The following BIVM variants were observed in gnomAD, a reference collection of about 807,000 sequenced individuals.
BIVM encodes the protein basic, immunoglobulin-like variable motif containing.
A neutral mutation model predicts 61.4 loss-of-function variants in BIVM; 31 were observed. The ratio of observed to expected loss-of-function variants is 0.51; its 90% CI spans 0.38 to 0.68. The LOEUF (loss-of-function observed/expected upper bound fraction) is 0.68, where lower values mean the gene tolerates loss of function less well. Among genes scored for constraint, BIVM ranks in the 30% least tolerant of loss-of-function variants. The pLI, the probability that BIVM is intolerant of heterozygous loss-of-function variation, is 0.00. For synonymous variants in BIVM, 189 were observed against 210.7 expected, an observed-to-expected ratio of 0.90 and a Z score of 0.89; for missense variants, 526 against 596.0, an observed-to-expected ratio of 0.88 and a Z score of 1.22.
rs757924941 is a variant in BIVM, at chr13:102,816,562, T to A, written c.605+8T>A. 6.7e-6 allele frequency: 10 copies of A among 1,499,132 alleles called. No individual in the cohort carries two copies. The South Asian group carries it at 1.4e-4, about 21-fold the overall frequency. The allele number at this position is 1,499,132 out of a possible 1,614,324, so 92.9% of individuals were successfully genotyped here. ...ATTAGACCTCAGACGATGGTGATGT[T>A]ATCAGTTTTTATTTTTTTCATTTTT... On this transcript the variant is annotated splice_region_variant and intron_variant, in intron 4 of 10. Transcript: ENST00000257336.
In BIVM at chr13:102,821,830, G is replaced by A. The variant is rs748477460; in HGVS notation, c.789G>A (p.Gly263=). ...FEDIRFGPFT[G]NTTLMRWFRQ... ...ATATTAGGTTTGGTCCTTTCACGGGGAATACAACACTTATGAGGTATGAAG... is the reference window on the plus strand; with the variant it reads ...ATATTAGGTTTGGTCCTTTCACGGGAAATACAACACTTATGAGGTATGAAG... The change falls in exon 6 of 11, where the codon GGG becomes GGA. Residue 263 remains glycine (G), a synonymous_variant. Transcript: ENST00000257336. 2 of 1,613,764 alleles carry A rather than the reference G, an allele frequency of 1.2e-6. No individual in the cohort carries two copies. Among genetic ancestry groups the A allele is most frequent in the South Asian group, 2.2e-5 (2 of 90,990 alleles).
In BIVM at chr13:102,834,454, T is replaced by C. The variant is rs745688507; in HGVS notation, c.1035-12T>C. 1.4e-5 allele frequency: 22 copies of C among 1,591,402 alleles called. No homozygotes were observed. In the Middle Eastern group the frequency reaches 5.0e-4, roughly 36 times the overall value. ...AACTATTAAACGTACTGTGAATGTA[T>C]TTTATATTTAGCAGGGGACCTCTCT... is the stretch of plus-strand genomic sequence containing the variant. On this transcript the variant is annotated splice_polypyrimidine_tract_variant and intron_variant, in intron 8 of 10. Coordinates refer to ENST00000257336, the MANE Select transcript of BIVM (RefSeq NM_017693.4).
Position 102,839,917 on chromosome 13 carries a change from G to A in BIVM, c.*52G>A, listed in dbSNP as rs770308678. On this transcript the variant is annotated 3_prime_UTR_variant, in exon 11 of 11. Transcript: ENST00000257336. ...TTATATATGAAACTGCTATATACAG[G>A]ACTGTATAAAGACAGTAGAAGATTT... 1 of 1,519,186 alleles carries A rather than the reference G, an allele frequency of 6.6e-7. No individual in the cohort carries two copies. Among genetic ancestry groups the A allele is most frequent in the South Asian group, 1.2e-5 (1 of 80,734 alleles). The allele number at this position is 1,519,186 out of a possible 1,614,324, so 94.1% of individuals were successfully genotyped here.
intron 7 of BIVM, 40 bp from the exon 8 acceptor site, chr13:102,831,525 T>A: frequency 1.2e-6 from 2 of 1,613,224 alleles, no homozygotes; most frequent in South Asian, 1.1e-5. Flanking sequence ...GGACACTGCT[T>A]TATGGGCTTT....
chr13:102,819,469 T>C (rs1382696075), intron 4 of BIVM, among the ~76,000 whole-genome samples: 1 of 152,222 alleles, frequency 6.6e-6, no homozygotes, highest in East Asian at 1.9e-4. Context: ...AAGTGATAGT[T>C]ATTAGCTTTT....
At chr13:102,812,316 T>C (rs1879555075) in intron 3 of BIVM, among the ~76,000 whole-genome samples, 1 of 152,258 alleles carries the variant, frequency 6.6e-6, no homozygotes, top group South Asian at 2.1e-4. Context: ...ATAGTGGTTT[T>C]AAAGTCCTTG....
At chr13:102,816,012 A>G (rs1879848110) in intron 3 of BIVM, among the ~76,000 whole-genome samples, 1 of 152,206 alleles carries the variant, frequency 6.6e-6, no homozygotes, top group Non-Finnish European at 1.5e-5. Flanking sequence ...TGTTTTATAG[A>G]AAGCCTTCAT....
chr13:102,807,202 T>C lies in BIVM; in HGVS notation c.-66T>C. ...GCATGCTGTAAACAATTGTCAAAGT[T>C]GTTTATCAAGAAACAGATAGAGTTG... is the stretch of plus-strand genomic sequence containing the variant. On this transcript the variant is annotated 5_prime_UTR_variant, in exon 3 of 11. Coordinates refer to ENST00000257336, the MANE Select transcript of BIVM (RefSeq NM_017693.4). This position sits in a 1 kb window ranked among gnomAD's most constrained non-coding sequence, Gnocchi z 4.0. 6.7e-7 allele frequency: 1 copy of C among 1,489,038 alleles called. No homozygotes were observed. Among genetic ancestry groups the C allele is most frequent in the Non-Finnish European group, 9.0e-7 (1 of 1,114,398 alleles). The allele number at this position is 1,489,038 out of a possible 1,614,324, so 92.2% of individuals were successfully genotyped here.
intron 3 of BIVM, among the ~76,000 whole-genome samples, chr13:102,815,653 A>C (rs369610120): frequency 6.6e-6 from 1 of 152,348 alleles, no homozygotes; most frequent in Admixed American, 6.5e-5. Context: ...TAAAAAGTAC[A>C]AATTCTCACT....
chr13:102,819,897 A>C (rs1880122492), intron 4 of BIVM, among the ~76,000 whole-genome samples: 1 of 152,162 alleles, frequency 6.6e-6, no homozygotes, highest in African/African-American at 2.4e-5. Context: ...ACCACACTAA[A>C]GTTGCTCTTA....
At chr13:102,811,386 T>C (rs1436043316) in intron 3 of BIVM, among the ~76,000 whole-genome samples, 1 of 152,252 alleles carries the variant, frequency 6.6e-6, no homozygotes, top group Non-Finnish European at 1.5e-5. Flanking sequence ...ATTTCAGCAC[T>C]TTGAATATAT....
chr13:102,817,631 T>C lies in BIVM; in HGVS notation c.605+1077T>C, dbSNP rs1879955083. The stretch of plus-strand genomic sequence containing the variant: ...CAAATGTATTGACAACCCAAACCCA[T>C]TGATGATCCTTGTCTGAATATTTGT... On this transcript the variant is annotated intron_variant, in intron 4 of 10. Transcript: ENST00000257336. Among the ~76,000 whole-genome samples, 4 of 152,288 alleles carry C rather than the reference T, an allele frequency of 2.6e-5. No individual in the cohort carries two copies. The East Asian group carries it at 7.7e-4, about 29-fold the overall frequency.
intron 7 of BIVM, among the ~76,000 whole-genome samples, chr13:102,825,147 A>C (rs183950954): frequency 6.6e-6 from 1 of 152,034 alleles, no homozygotes; most frequent in Non-Finnish European, 1.5e-5. Flanking sequence ...GGGTTTCACC[A>C]TGTTAGCCAG....
At chr13:102,832,821 T>C (rs1018159702) in intron 8 of BIVM, among the ~76,000 whole-genome samples, 1 of 152,238 alleles carries the variant, frequency 6.6e-6, no homozygotes, top group African/African-American at 2.4e-5. Flanking sequence ...TATATAACTT[T>C]ACTGGTAAAC....
At chr13:102,818,245 C>T (rs1021378351) in intron 4 of BIVM, among the ~76,000 whole-genome samples, 2 of 152,166 alleles carry the variant, frequency 1.3e-5, no homozygotes, top group African/African-American at 4.8e-5. Flanking sequence ...CTGCCAGTGT[C>T]ACATGGCTAA....
rs201191885 is a variant in BIVM at position 102,806,510 on chromosome 13, A to G, written c.-122-636A>G. 2.6e-4 allele frequency among the ~76,000 whole-genome samples: 40 copies of G among 152,304 alleles called. No homozygotes were observed. In the East Asian group the frequency reaches 7.3e-3, roughly 28 times the overall value. On this transcript the variant is annotated intron_variant, in intron 2 of 10. Transcript: ENST00000257336. ...AGTGATCCACCTGCCTTGGCCTCCC[A>G]AAGTGCTGGATTACAGGTGTGAGTG...
At chr13:102,820,800 G>T in intron 4 of BIVM, 1 of 446,158 alleles carries the variant, frequency 2.2e-6, no homozygotes, top group South Asian at 2.7e-5. Flanking sequence ...CATTGGTTTG[G>T]ATAACATCCA....
At chr13:102,835,200 G>A (rs908517325) in intron 9 of BIVM, among the ~76,000 whole-genome samples, 1 of 152,046 alleles carries the variant, frequency 6.6e-6, no homozygotes, top group Non-Finnish European at 1.5e-5. Flanking sequence ...GCAACATAGT[G>A]AGACCCTGTC....
At chr13:102,813,020 A>G (rs1039772357) in intron 3 of BIVM, among the ~76,000 whole-genome samples, 3 of 152,186 alleles carry the variant, frequency 2.0e-5, no homozygotes, top group Non-Finnish European at 4.4e-5. Context: ...GTACCTTGCT[A>G]TGTGCTGAAA....
Sources: allele counts gnomAD v4.1 joint callset (sites outside exome capture counted in the v4.1 genomes callset), GRCh38; gene constraint gnomAD v4.1.1; non-coding constraint Gnocchi (gnomAD v3.1); transcripts MANE v1.5; gene names NCBI Gene and HGNC (gene_info 2026-07-23, HGNC 2026-07-21).